IQCM: variants seen among roughly 807,000 people sequenced by gnomAD.
IQCM encodes IQ motif containing M.
Under a neutral mutation model 57.6 loss-of-function variants are expected in IQCM, and 45 were observed. The ratio of observed to expected loss-of-function variants is 0.78; its 90% CI spans 0.62 to 1.00. IQCM has a LOEUF of 1.00. Among genes scored for constraint, IQCM ranks in the 50% least tolerant of loss-of-function variants. IQCM has a pLI of 0.00. For missense variants in IQCM, 468 were observed against 511.6 expected (o/e 0.91, Z 0.82); for synonymous variants, 148 against 158.9 (o/e 0.93, Z 0.51).
chr4:149,733,433 A>G lies in IQCM; in HGVS notation c.196T>C (p.Leu66=). 2 of 1,231,832 alleles carry G rather than the reference A, an allele frequency of 1.6e-6. No homozygotes were observed. Among genetic ancestry groups the G allele is most frequent in the Non-Finnish European group, 2.0e-6 (2 of 987,740 alleles). The allele number at this position is 1,231,832 out of a possible 1,614,324, so 76.3% of individuals were successfully genotyped here. Residue 66 remains leucine, a synonymous_variant, in exon 5 of 14, where the codon TTG becomes CTG. Transcript: ENST00000636793. ...CGTGTTACCTTTTTGTCAATCTCCA[A>G]AGGTATGTATTTGCCAGATTTCGGT... is the stretch of plus-strand genomic sequence containing the variant. ...QKPKSGKYIP[L]EIDKKVTRDV... is the part of the protein sequence containing the mutation.
intron 2 of IQCM, among the ~76,000 whole-genome samples, chr4:149,765,139 T>C (rs28711701): frequency 0.023 from 3,431 of 152,200 alleles, 103 homozygotes; most frequent in African/African-American, 0.069. Flanking sequence ...ATTTAGAATG[T>C]GACACATTTA....
chr4:149,591,674 T>G (rs1184009810), intron 8 of IQCM, among the ~76,000 whole-genome samples: 1 of 152,074 alleles, frequency 6.6e-6, no homozygotes, highest in Non-Finnish European at 1.5e-5. Context: ...CATTGTTCAA[T>G]TCCCACCTAT....
chr4:149,666,884 C>T (rs929096482), intron 7 of IQCM, among the ~76,000 whole-genome samples: 1 of 152,138 alleles, frequency 6.6e-6, no homozygotes, highest in Admixed American at 6.5e-5. Context: ...TATATTCCTC[C>T]TCCCTGGGCA....
At chr4:149,365,842 C>A (rs1729792728) in intron 13 of IQCM, among the ~76,000 whole-genome samples, 1 of 151,992 alleles carries the variant, frequency 6.6e-6, no homozygotes, top group African/African-American at 2.4e-5. Context: ...CTGTCAAAGC[C>A]AAGATGAGCC....
At chr4:149,415,672 A>AT (rs1733698216) in intron 13 of IQCM, among the ~76,000 whole-genome samples, 1 of 152,150 alleles carries the variant, frequency 6.6e-6, no homozygotes, top group African/African-American at 2.4e-5. Flanking sequence ...GGAGTCAGGG[A>AT]TGAGACTAAT....
chr4:149,728,526 T>C (rs975033968), intron 5 of IQCM, among the ~76,000 whole-genome samples: 1 of 152,216 alleles, frequency 6.6e-6, no homozygotes, highest in African/African-American at 2.4e-5. Flanking sequence ...CTATTACCAC[T>C]GTTTAATTAT....
intron 7 of IQCM, among the ~76,000 whole-genome samples, chr4:149,654,106 A>G (rs1759430930): frequency 6.6e-6 from 1 of 152,210 alleles, no homozygotes; most frequent in Non-Finnish European, 1.5e-5. Context: ...CCTACAAAGA[A>G]CACAAGTTAG....
chr4:149,757,660 A>G (rs887121520), intron 2 of IQCM, among the ~76,000 whole-genome samples: 14 of 152,286 alleles, frequency 9.2e-5, no homozygotes, highest in African/African-American at 3.4e-4. Context: ...TACGTACCTA[A>G]CAAAATAGTT....
chr4:149,778,750 T>C (rs957590304), intron 2 of IQCM, among the ~76,000 whole-genome samples: 17 of 151,962 alleles, frequency 1.1e-4, no homozygotes, highest in Admixed American at 3.9e-4. Flanking sequence ...ACAAATGAAA[T>C]AGACAAATTC....
chr4:149,592,988 T>G (rs1163147898), intron 8 of IQCM, among the ~76,000 whole-genome samples: 1 of 152,016 alleles, frequency 6.6e-6, no homozygotes, highest in Non-Finnish European at 1.5e-5. Flanking sequence ...TTCCAATTCT[T>G]TGAAGAAAGT....
rs73857747 is a variant in IQCM at position 149,752,996 on chromosome 4, A to C, written c.-48-10257T>G. Among the ~76,000 whole-genome samples, 1,370 of 152,328 alleles carry C rather than the reference A, an allele frequency of 9.0e-3. 11 individuals are homozygous for C. The highest frequency in any genetic ancestry group is 0.031 in the African/African-American group (1,270 of 41,588). The stretch of plus-strand genomic sequence containing the variant: ...TATCAAAGGGGCAGGAGCCCCAAGG[A>C]ACCAATATAAGATCTGGTTCTGGAC... On this transcript the variant is annotated intron_variant, in intron 2 of 13. Coordinates refer to ENST00000636793, the MANE Select transcript of IQCM (RefSeq NM_001363507.2).
At chr4:149,700,678 A>G (rs1354636311) in intron 5 of IQCM, among the ~76,000 whole-genome samples, 4 of 152,046 alleles carry the variant, frequency 2.6e-5, no homozygotes, top group African/African-American at 9.7e-5. Flanking sequence ...TTGAGTCAGT[A>G]GACTCAGCTG....
intron 12 of IQCM, among the ~76,000 whole-genome samples, chr4:149,526,082 T>C (rs1746131947): frequency 1.3e-5 from 2 of 151,950 alleles, no homozygotes; most frequent in Admixed American, 1.3e-4. Flanking sequence ...AAAGATGTGC[T>C]CAATTTTGCT....
chr4:149,730,441 G>C (rs1249727580), intron 5 of IQCM, among the ~76,000 whole-genome samples: 1 of 152,008 alleles, frequency 6.6e-6, no homozygotes, highest in Non-Finnish European at 1.5e-5. Context: ...CATTTAAATT[G>C]TTCTCATAAC....
At chr4:149,548,101 C>T (rs1748641451) in intron 12 of IQCM, among the ~76,000 whole-genome samples, 1 of 152,074 alleles carries the variant, frequency 6.6e-6, no homozygotes, top group Non-Finnish European at 1.5e-5. Flanking sequence ...CAGGAGAAAG[C>T]CTCCTAGCAT....
intron 9 of IQCM, among the ~76,000 whole-genome samples, chr4:149,565,745 T>A (rs1453695785): frequency 6.6e-6 from 1 of 152,174 alleles, no homozygotes; most frequent in African/African-American, 2.4e-5. Flanking sequence ...GACCTATATC[T>A]AAACATGTAT....
chr4:149,586,160 A>G (rs1460101039), intron 9 of IQCM, among the ~76,000 whole-genome samples: 1 of 151,736 alleles, frequency 6.6e-6, no homozygotes, highest in Non-Finnish European at 1.5e-5. Flanking sequence ...GGACTTATGC[A>G]AGAACACGAA....
intron 13 of IQCM, among the ~76,000 whole-genome samples, chr4:149,391,362 T>C (rs1030750508): frequency 5.3e-5 from 8 of 151,940 alleles, no homozygotes; most frequent in Non-Finnish European, 1.2e-4. Flanking sequence ...TTCTTGAATT[T>C]AGTAATTTGA....
At chr4:149,482,895 C>T (rs560381957) in intron 12 of IQCM, among the ~76,000 whole-genome samples, 6 of 151,612 alleles carry the variant, frequency 4.0e-5, no homozygotes, top group Admixed American at 6.6e-5. Flanking sequence ...GCCATTGAGT[C>T]CCAGGCTTTT....
Sources: allele counts gnomAD v4.1 joint callset (sites outside exome capture counted in the v4.1 genomes callset), GRCh38; gene constraint gnomAD v4.1.1; transcripts MANE v1.5; gene names NCBI Gene and HGNC (gene_info 2026-07-23, HGNC 2026-07-21).